SMYD3: variants seen among roughly 807,000 people sequenced by gnomAD.
The protein encoded by SMYD3 is SET and MYND domain containing 3, also known as histone-lysine N-methyltransferase SMYD3.
Under a neutral mutation model 57.7 loss-of-function variants are expected in SMYD3, and 36 were observed. The ratio of observed to expected loss-of-function variants is 0.62; its 90% CI spans 0.48 to 0.82. SMYD3 has a LOEUF of 0.82. SMYD3 is among the 40% of genes least tolerant of loss of function. The pLI, the probability that SMYD3 is intolerant of heterozygous loss-of-function variation, is 0.00. For synonymous variants in SMYD3, 211 were observed against 195.0 expected (o/e 1.08, Z -0.68); for missense variants, 515 against 538.8 (o/e 0.96, Z 0.44).
chr1:246,288,062 C>CTTTTTTTTTTTTTTTTT (rs67603439), intron 5 of SMYD3, among the ~76,000 whole-genome samples: 2 of 64,208 alleles, frequency 3.1e-5, no homozygotes, highest in African/African-American at 1.3e-4. Context: ...TCAGGTAATT[C>CTTTTTTTTTTTTTTTTT]TTTTTTTTTT....
chr1:246,378,699 C>A (rs2066321285), intron 1 of SMYD3, among the ~76,000 whole-genome samples: 1 of 59,128 alleles, frequency 1.7e-5, no homozygotes, highest in East Asian at 2.6e-4. Context: ...TTAATAAACT[C>A]CCCTTTATAT....
intron 10 of SMYD3, among the ~76,000 whole-genome samples, chr1:245,849,656 TATTTA>T (rs1361124343): frequency 8.6e-6 from 1 of 115,952 alleles, no homozygotes; most frequent in East Asian, 6.6e-4. Context: ...TATTTTATAT[TATTTA>T]TTTTATTTTG....
chr1:245,920,074 G>C (rs762044257), intron 7 of SMYD3, among the ~76,000 whole-genome samples: 1 of 152,138 alleles, frequency 6.6e-6, no homozygotes, highest in African/African-American at 2.4e-5. Flanking sequence ...AGCACTTTGG[G>C]AGGCCAAGGC....
intron 10 of SMYD3, among the ~76,000 whole-genome samples, chr1:245,848,559 C>T (rs1475137297): frequency 1.3e-5 from 2 of 152,046 alleles, no homozygotes; most frequent in East Asian, 3.9e-4. Flanking sequence ...CAGGCACCAA[C>T]CACCACCACG....
intron 1 of SMYD3, among the ~76,000 whole-genome samples, chr1:246,484,806 T>A (rs12757524): frequency 1.1e-5 from 1 of 93,390 alleles, no homozygotes; most frequent in East Asian, 2.8e-4. Context: ...TAAACCATTG[T>A]ACTAGTTACA....
At chr1:246,268,548 AAAG>A (rs1264221109) in intron 5 of SMYD3, among the ~76,000 whole-genome samples, 6 of 151,954 alleles carry the variant, frequency 3.9e-5, no homozygotes, top group Non-Finnish European at 8.8e-5. Flanking sequence ...TACACAAAAA[AAAG>A]ACATTAGCCG....
intron 5 of SMYD3, among the ~76,000 whole-genome samples, chr1:246,325,652 G>A (rs558190542): frequency 6.6e-6 from 1 of 152,152 alleles, no homozygotes; most frequent in African/African-American, 2.4e-5. Flanking sequence ...AAAGAAAGAA[G>A]AACTAGGATA....
At chr1:245,984,490 T>G (rs1452930352) in intron 5 of SMYD3, among the ~76,000 whole-genome samples, 1 of 152,202 alleles carries the variant, frequency 6.6e-6, no homozygotes, top group Non-Finnish European at 1.5e-5. Flanking sequence ...ATCCCACTGT[T>G]CCTCTTCATC....
intron 1 of SMYD3, among the ~76,000 whole-genome samples, chr1:246,405,047 ACTCAAGTCATC>A (rs1173997541): frequency 6.6e-6 from 1 of 151,960 alleles, no homozygotes; most frequent in Non-Finnish European, 1.5e-5. Flanking sequence ...AACCTCCCAG[ACTCAAGTCATC>A]CTCCCACCTC....
chr1:246,452,510 G>A (rs138182418), intron 1 of SMYD3, among the ~76,000 whole-genome samples: 20 of 151,740 alleles, frequency 1.3e-4, no homozygotes, highest in South Asian at 4.2e-4. Flanking sequence ...AAAAAGAAAC[G>A]GAAAAAAAAG....
At chr1:246,156,919 A>G (rs2062030891) in intron 5 of SMYD3, among the ~76,000 whole-genome samples, 1 of 152,228 alleles carries the variant, frequency 6.6e-6, no homozygotes, top group East Asian at 1.9e-4. Context: ...AAAGGACCCT[A>G]GAATGACTCA....
intron 1 of SMYD3, among the ~76,000 whole-genome samples, chr1:246,392,454 C>T (rs2066588395): frequency 1.3e-5 from 2 of 151,988 alleles, no homozygotes. Flanking sequence ...TTATGAAGGA[C>T]TACTTTTGAG....
intron 1 of SMYD3, among the ~76,000 whole-genome samples, chr1:246,417,591 A>C (rs2067082686): frequency 1.3e-5 from 2 of 152,096 alleles, no homozygotes; most frequent in South Asian, 4.1e-4. Flanking sequence ...GGTATGAGTC[A>C]TGGTCCAGAT....
chr1:246,038,239 C>T lies in SMYD3; in HGVS notation c.532-108302G>A, dbSNP rs371951109. Among the ~76,000 whole-genome samples the T allele has an allele frequency of 1.7e-4, 26 of 152,020 alleles. No homozygotes were observed. In the East Asian group the frequency reaches 4.2e-3, roughly 25 times the overall value. ...CTTATTTTACGTAGTGGAATTTATCCGTAATTTATGGCTTCTAGTTTTTAT... is the reference window on the plus strand; with the variant it reads ...CTTATTTTACGTAGTGGAATTTATCTGTAATTTATGGCTTCTAGTTTTTAT... On this transcript the variant is annotated intron_variant, in intron 5 of 11. Coordinates refer to ENST00000490107, the MANE Select transcript of SMYD3 (RefSeq NM_001167740.2).
At position 246,411,782 on chromosome 1, in the gene SMYD3, G is replaced by A. The variant is rs545929864; in HGVS notation, c.165-56688C>T. ...TAGGTGGGAATTGAACAATGAGAAC[G>A]CATGGACACAGGAAGGGGAACATCA... On this transcript the variant is annotated intron_variant, in intron 1 of 11. Transcript: ENST00000490107. Among the ~76,000 whole-genome samples, 56 of 146,074 alleles carry A rather than the reference G, an allele frequency of 3.8e-4. 1 individual carries two copies. The highest frequency in any genetic ancestry group is 1.2e-3 in the African/African-American group (48 of 39,568).
In SMYD3 at chr1:245,963,518, G is replaced by A. The variant is rs530998682; in HGVS notation, c.532-33581C>T. Among the ~76,000 whole-genome samples, 3 of 151,608 alleles carry A rather than the reference G, an allele frequency of 2.0e-5. No homozygotes were observed. The South Asian group carries it at 6.3e-4, about 32-fold the overall frequency. ...GTGCCCATCATGGGGAGTAGGGAGG[G>A]ATAAGCTTTTGTGAGTTTTTTTTTT... On this transcript the variant is annotated intron_variant, in intron 5 of 11. Transcript: ENST00000490107.
At chr1:246,368,313 G>C (rs2066140527) in intron 1 of SMYD3, among the ~76,000 whole-genome samples, 1 of 152,110 alleles carries the variant, frequency 6.6e-6, no homozygotes, top group South Asian at 2.1e-4. Context: ...GAGGGAAAGA[G>C]TATGTCCATG....
chr1:246,150,884 A>G (rs2061930556), intron 5 of SMYD3, among the ~76,000 whole-genome samples: 1 of 152,220 alleles, frequency 6.6e-6, no homozygotes, highest in African/African-American at 2.4e-5. Context: ...ATCCTAAAAG[A>G]GATGGAGGAA....
chr1:245,886,472 C>A (rs534922061), intron 8 of SMYD3, among the ~76,000 whole-genome samples: 1 of 152,218 alleles, frequency 6.6e-6, no homozygotes, highest in South Asian at 2.1e-4. Context: ...CACACCCTCA[C>A]CTCAGCAATT....
Sources: gnomAD v4.1 joint callset for allele counts (sites outside exome capture counted in the v4.1 genomes callset) on GRCh38, gnomAD v4.1.1 for gene constraint, MANE v1.5 for transcripts, NCBI Gene and HGNC (gene_info 2026-07-23, HGNC 2026-07-21) for gene names.